KIRREL3: variants seen among roughly 807,000 people sequenced by gnomAD.
The protein encoded by KIRREL3 is kin of IRRE-like protein 3.
Under a neutral mutation model 89.7 loss-of-function variants are expected in KIRREL3, and 36 were observed. That is an observed-to-expected ratio of 0.40 (90% CI 0.31 to 0.53). KIRREL3 has a LOEUF of 0.53. KIRREL3 is among the 20% of genes least tolerant of loss of function. The pLI is 0.49. For synonymous variants in KIRREL3, 445 were observed against 441.4 expected, an observed-to-expected ratio of 1.01 and a Z score of -0.10; for missense variants, 864 against 1,056.6, an observed-to-expected ratio of 0.82 and a Z score of 2.53.
intron 2 of KIRREL3, among the ~76,000 whole-genome samples, chr11:126,548,720 T>C (rs562227615): frequency 3.9e-5 from 6 of 152,218 alleles, no homozygotes; most frequent in Non-Finnish European, 7.3e-5. Context: ...ATCCTCCAGG[T>C]GTCATTCATC....
Position 126,734,612 on chromosome 11 carries a change from G to A in KIRREL3, c.56-171700C>T, listed in dbSNP as rs181037043. Among the ~76,000 whole-genome samples, 157 of 151,958 alleles carry A rather than the reference G, an allele frequency of 1.0e-3. No individual in the cohort carries two copies. Among genetic ancestry groups the A allele is most frequent in the Non-Finnish European group, 1.8e-3 (123 of 67,978 alleles). On this transcript the variant is annotated intron_variant, in intron 1 of 16. Transcript: ENST00000525144. This position sits in a 1 kb window ranked among gnomAD's most constrained non-coding sequence, Gnocchi z 5.9. ...TGGGAAGCGGAGGTTGCAGTGAGCC[G>A]AGATGTCATTGCACTCCAGCCTGGG...
chr11:126,820,030 C>T (rs2134450021), intron 1 of KIRREL3, among the ~76,000 whole-genome samples: 1 of 152,332 alleles, frequency 6.6e-6, no homozygotes, highest in South Asian at 2.1e-4. Flanking sequence ...AACTTTCATT[C>T]ATTCTCTCAT....
At chr11:126,875,152 C>A (rs985510968) in intron 1 of KIRREL3, among the ~76,000 whole-genome samples, 2 of 152,138 alleles carry the variant, frequency 1.3e-5, no homozygotes, top group African/African-American at 4.8e-5. Context: ...AACCAATCAA[C>A]CAATATAGTC....
In KIRREL3 at chr11:126,755,362, C is replaced by T. The variant is rs926581608; in HGVS notation, c.56-192450G>A. 5.3e-5 allele frequency among the ~76,000 whole-genome samples: 8 copies of T among 151,968 alleles called. No individual in the cohort carries two copies. Among genetic ancestry groups the T allele is most frequent in the Admixed American group, 1.3e-4 (2 of 15,244 alleles). ...CATGAAGTCCTGAAGTGCAGGTAATCGTGTTTAAAAAGATAGGGAACATGA... is the reference window on the plus strand; with the variant it reads ...CATGAAGTCCTGAAGTGCAGGTAATTGTGTTTAAAAAGATAGGGAACATGA... On this transcript the variant is annotated intron_variant, in intron 1 of 16. Coordinates refer to ENST00000525144, the MANE Select transcript of KIRREL3 (RefSeq NM_032531.4). This position sits in a 1 kb window ranked among gnomAD's most constrained non-coding sequence, Gnocchi z 4.3.
At position 126,862,697 on chromosome 11, in the gene KIRREL3, G is replaced by A. The variant is rs140142880; in HGVS notation, c.55+137758C>T. Among the ~76,000 whole-genome samples, 434 of 152,270 alleles carry A rather than the reference G, an allele frequency of 2.9e-3. 2 individuals are homozygous for A. The highest frequency in any genetic ancestry group is 9.5e-3 in the African/African-American group (395 of 41,552). ...CCAGTCACTATCGACTACTCCCACCGTCCACCCTAACTCCATCAGGCCTCA... is the reference window on the plus strand; with the variant it reads ...CCAGTCACTATCGACTACTCCCACCATCCACCCTAACTCCATCAGGCCTCA... On this transcript the variant is annotated intron_variant, in intron 1 of 16. Transcript: ENST00000525144.
At chr11:126,730,741 CT>C (rs570481488) in intron 1 of KIRREL3, among the ~76,000 whole-genome samples, 1 of 151,416 alleles carries the variant, frequency 6.6e-6, no homozygotes, top group East Asian at 1.9e-4. Flanking sequence ...TTTTCTTTTT[CT>C]TTTTTTTTGT....
chr11:126,713,926 G>A (rs1334703152), intron 1 of KIRREL3, among the ~76,000 whole-genome samples: 2 of 152,190 alleles, frequency 1.3e-5, no homozygotes, highest in Non-Finnish European at 2.9e-5. Context: ...TGGCTAGATA[G>A]GGCAGGTCAG....
chr11:126,744,659 C>T lies in KIRREL3; in HGVS notation c.56-181747G>A, dbSNP rs183091753. ...TCCAGGCTAAGCCAGGGCTCCCTGG[C>T]GTGTGCCCCATGGTGCTGGCAATAG... On this transcript the variant is annotated intron_variant, in intron 1 of 16. Coordinates refer to ENST00000525144, the MANE Select transcript of KIRREL3 (RefSeq NM_032531.4). This position sits in a 1 kb window ranked among gnomAD's most constrained non-coding sequence, Gnocchi z 4.7. 4.6e-5 allele frequency among the ~76,000 whole-genome samples: 7 copies of T among 152,290 alleles called. No homozygotes were observed. The South Asian group carries it at 1.0e-3, about 23-fold the overall frequency.
rs1388115154 is a variant in KIRREL3 at position 126,763,258 on chromosome 11, C to T, written c.56-200346G>A. ...CGATTTCTGGAACATCTCCCAATGT[C>T]GGCGTTCTGTGATGTGACAATTCCA... On this transcript the variant is annotated intron_variant, in intron 1 of 16. Transcript: ENST00000525144. This position sits in a 1 kb window ranked among gnomAD's most constrained non-coding sequence, Gnocchi z 4.7. Among the ~76,000 whole-genome samples, 7 of 152,160 alleles carry T rather than the reference C, an allele frequency of 4.6e-5. No homozygotes were observed. Among genetic ancestry groups the T allele is most frequent in the African/African-American group, 9.7e-5 (4 of 41,442 alleles).
At chr11:126,707,569 A>T (rs1253550788) in intron 1 of KIRREL3, among the ~76,000 whole-genome samples, 2 of 152,162 alleles carry the variant, frequency 1.3e-5, no homozygotes, top group African/African-American at 4.8e-5. Context: ...GCCAATACTG[A>T]AGGCTGCTTC....
rs140920377 is a variant in KIRREL3, at chr11:126,567,238, C to T, written c.56-4326G>A. Reference sequence around the variant, plus strand: ...TCATGTTATAATGAGGTCATTAGGACGGACCTTTATCCTGTGACTGGTGTC... The same window carrying T: ...TCATGTTATAATGAGGTCATTAGGATGGACCTTTATCCTGTGACTGGTGTC... On this transcript the variant is annotated intron_variant, in intron 1 of 16. Coordinates refer to ENST00000525144, the MANE Select transcript of KIRREL3 (RefSeq NM_032531.4). 1.4e-3 allele frequency among the ~76,000 whole-genome samples: 209 copies of T among 152,274 alleles called. 1 individual carries two copies. The highest frequency in any genetic ancestry group is 2.7e-3 in the Admixed American group (42 of 15,298).
In KIRREL3 at chr11:126,830,949, C is replaced by T. The variant is rs779340951; in HGVS notation, c.55+169506G>A. ...GCCTTCATTGATGTGAATAATACCA[C>T]CCTGGGCATTACTATCACCCAGATT... On this transcript the variant is annotated intron_variant, in intron 1 of 16. Transcript: ENST00000525144. The surrounding 1 kb of genome is among the most constrained non-coding windows in gnomAD (Gnocchi z 4.9). Among the ~76,000 whole-genome samples the T allele has an allele frequency of 1.3e-5, 2 of 152,152 alleles. No individual in the cohort carries two copies. The highest frequency in any genetic ancestry group is 1.9e-4 in the East Asian group (1 of 5,198).
chr11:126,470,480 C>A (rs748671832), intron 5 of KIRREL3, among the ~76,000 whole-genome samples: 3 of 152,214 alleles, frequency 2.0e-5, no homozygotes, highest in Admixed American at 1.3e-4. Context: ...CTTTGATCGG[C>A]AGCCCTGGAG....
rs1326649536 is a variant in KIRREL3 at position 126,627,916 on chromosome 11, A to T, written c.56-65004T>A. On this transcript the variant is annotated intron_variant, in intron 1 of 16. Transcript: ENST00000525144. The surrounding 1 kb of genome is among the most constrained non-coding windows in gnomAD (Gnocchi z 5.0). ...AGGAAAACAGCCCAGGAGTTGGGAGACCCACATCTTCATTCTGTCTCTCCC... is the reference window on the plus strand; with the variant it reads ...AGGAAAACAGCCCAGGAGTTGGGAGTCCCACATCTTCATTCTGTCTCTCCC... Among the ~76,000 whole-genome samples, 2 of 152,008 alleles carry T rather than the reference A, an allele frequency of 1.3e-5. No homozygotes were observed. Among genetic ancestry groups the T allele is most frequent in the African/African-American group, 4.8e-5 (2 of 41,374 alleles).
rs1342165022 is a variant in KIRREL3, at chr11:126,808,979, A to C, written c.55+191476T>G. Among the ~76,000 whole-genome samples, 1 of 152,236 alleles carries C rather than the reference A, an allele frequency of 6.6e-6. No homozygotes were observed. On this transcript the variant is annotated intron_variant, in intron 1 of 16. Transcript: ENST00000525144. This position sits in a 1 kb window ranked among gnomAD's most constrained non-coding sequence, Gnocchi z 4.1. Reference sequence around the variant, plus strand: ...AATCTCTTGTTCTTTTCTTTCCCCCAAAAAACAAATGCAACTATTCTGTTT... The same window carrying C: ...AATCTCTTGTTCTTTTCTTTCCCCCCAAAAACAAATGCAACTATTCTGTTT...
rs1938640553 is a variant in KIRREL3 at position 126,544,685 on chromosome 11, T to A, written c.134-17998A>T. The stretch of plus-strand genomic sequence containing the variant: ...ATTTACTCCCTCCACGGGGCTGCTT[T>A]TTGTATCTGGGCCAGTGGGTGGAGA... On this transcript the variant is annotated intron_variant, in intron 2 of 16. Transcript: ENST00000525144. This position sits in a 1 kb window ranked among gnomAD's most constrained non-coding sequence, Gnocchi z 5.6. 3.9e-5 allele frequency among the ~76,000 whole-genome samples: 6 copies of A among 152,220 alleles called. No individual in the cohort carries two copies. The South Asian group carries it at 1.2e-3, about 32-fold the overall frequency.
chr11:126,536,368 C>A (rs1350684648), intron 2 of KIRREL3, among the ~76,000 whole-genome samples: 5 of 152,106 alleles, frequency 3.3e-5, no homozygotes, highest in East Asian at 3.9e-4. Context: ...CTCCTCCCTG[C>A]CACCCACAAC....
chr11:126,585,379 A>T (rs918645957), intron 1 of KIRREL3, among the ~76,000 whole-genome samples: 3 of 146,136 alleles, frequency 2.1e-5, no homozygotes, highest in African/African-American at 7.6e-5. Flanking sequence ...GATTACTGGC[A>T]CTCACCACCA....
rs944138892 is a variant in KIRREL3 at position 126,995,393 on chromosome 11, G to A, written c.55+5062C>T. On this transcript the variant is annotated intron_variant, in intron 1 of 16. Coordinates refer to ENST00000525144, the MANE Select transcript of KIRREL3 (RefSeq NM_032531.4). The surrounding 1 kb of genome is among the most constrained non-coding windows in gnomAD (Gnocchi z 6.5). ...TGAATTAGAACACCCCTCTTCCCAG[G>A]CACAGGACGAGTTCAGTGCCTCTCT... is the stretch of plus-strand genomic sequence containing the variant. 3 of 453,740 alleles carry A rather than the reference G, an allele frequency of 6.6e-6. No individual in the cohort carries two copies. Among genetic ancestry groups the A allele is most frequent in the Non-Finnish European group, 1.3e-5 (3 of 225,180 alleles). The allele number at this position is 453,740 out of a possible 1,614,324, so 28.1% of individuals were successfully genotyped here. A position where few individuals can be genotyped will look rare whatever the true frequency, so the allele number is the denominator to read the frequency against.
Sources: allele counts gnomAD v4.1 joint callset (sites outside exome capture counted in the v4.1 genomes callset), GRCh38; gene constraint gnomAD v4.1.1; non-coding constraint Gnocchi (gnomAD v3.1); transcripts MANE v1.5; gene names NCBI Gene and HGNC (gene_info 2026-07-23, HGNC 2026-07-21).